Variants in MAP2K4 observed in about 807,000 individuals in gnomAD.
The protein encoded by MAP2K4 is dual specificity mitogen-activated protein kinase kinase 4.
In MAP2K4, 4 loss-of-function variants were observed where a neutral mutation model predicts 48.5. That is an observed-to-expected ratio of 0.08 (90% CI 0.04 to 0.19). MAP2K4 has a LOEUF of 0.19. Among genes scored for constraint, MAP2K4 ranks in the 10% least tolerant of loss-of-function variants. The pLI, the probability that MAP2K4 is intolerant of heterozygous loss-of-function variation, is 1.00. For synonymous variants in MAP2K4, 166 were observed against 173.1 expected (o/e 0.96, Z 0.32); for missense variants, 258 against 493.3 (o/e 0.52, Z 4.52).
chr17:12,070,627 T>A (rs1286860354), intron 2 of MAP2K4, among the ~76,000 whole-genome samples: 1 of 152,236 alleles, frequency 6.6e-6, no homozygotes, highest in Non-Finnish European at 1.5e-5. Context: ...TTTAGGTTGC[T>A]AGATACCATT....
intron 2 of MAP2K4, among the ~76,000 whole-genome samples, chr17:12,077,449 G>C (rs1311843972): frequency 1.3e-5 from 2 of 152,206 alleles, no homozygotes; most frequent in East Asian, 3.8e-4. Context: ...GCTTAAACCA[G>C]ATAGTTTATT....
chr17:12,115,756 GC>G, intron 7 of MAP2K4: 1 of 762,452 alleles, frequency 1.3e-6, no homozygotes, highest in Non-Finnish European at 2.4e-6. Flanking sequence ...GTGTAATTAT[GC>G]AAAAGAATGG....
At chr17:12,044,149 A>G (rs954609460) in intron 1 of MAP2K4, among the ~76,000 whole-genome samples, 4 of 152,160 alleles carry the variant, frequency 2.6e-5, no homozygotes, top group Non-Finnish European at 5.9e-5. Context: ...CAAAGGCAAA[A>G]TACAGTTATA....
chr17:12,074,328 G>T (rs901307037), intron 2 of MAP2K4, among the ~76,000 whole-genome samples: 1 of 152,002 alleles, frequency 6.6e-6, no homozygotes, highest in African/African-American at 2.4e-5. Flanking sequence ...AGAGATTATT[G>T]TGTGATGGCT....
intron 7 of MAP2K4, chr17:12,115,690 A>C: frequency 1.3e-6 from 1 of 758,996 alleles, no homozygotes; most frequent in Non-Finnish European, 2.5e-6. Context: ...ATGTAGTAGA[A>C]CAAACTTCAA....
At chr17:12,052,221 G>A (rs1165485408) in intron 1 of MAP2K4, among the ~76,000 whole-genome samples, 1 of 152,144 alleles carries the variant, frequency 6.6e-6, no homozygotes, top group Non-Finnish European at 1.5e-5. Context: ...ATTACTTAGT[G>A]TGTTTTGTTA....
At chr17:12,107,759 A>G in intron 4 of MAP2K4, 31 bp from the exon 5 acceptor site, 1 of 1,545,030 alleles carries the variant, frequency 6.5e-7, no homozygotes. Flanking sequence ...TTTAAGATGT[A>G]TAAGAATAAC....
At position 12,143,761 on chromosome 17, in the gene MAP2K4, G is replaced by T. The variant is rs1342063571; in HGVS notation, c.*2501G>T. 2.2e-5 allele frequency: 5 copies of T among 229,968 alleles called. No individual in the cohort carries two copies. The highest frequency in any genetic ancestry group is 3.4e-5 in the Non-Finnish European group (4 of 116,100). The allele number at this position is 229,968 out of a possible 1,614,324, so 14.2% of individuals were successfully genotyped here. A position where few individuals can be genotyped will look rare whatever the true frequency, so the allele number is the denominator to read the frequency against. Reference sequence around the variant, plus strand: ...TTTGTAATTTGATTTTCTGAAATCAGACCCTGAGAGGGGAAAATCTTAAAG... The same window carrying T: ...TTTGTAATTTGATTTTCTGAAATCATACCCTGAGAGGGGAAAATCTTAAAG... On this transcript the variant is annotated 3_prime_UTR_variant, in exon 11 of 11. Transcript: ENST00000353533.
intron 2 of MAP2K4, among the ~76,000 whole-genome samples, chr17:12,078,402 G>T (rs1597444402): frequency 6.6e-6 from 1 of 152,118 alleles, no homozygotes; most frequent in African/African-American, 2.4e-5. Context: ...GGGGTACATG[G>T]TGTATATATT....
intron 6 of MAP2K4, 87 bp downstream of exon 6, chr17:12,110,513 GTA>G: frequency 1.1e-6 from 1 of 908,522 alleles, no homozygotes; most frequent in Non-Finnish European, 1.7e-6. Context: ...CAGTGTCACT[GTA>G]TAAACTTTCC....
chr17:12,093,262 T>C (rs1473699216), intron 3 of MAP2K4, among the ~76,000 whole-genome samples: 1 of 152,184 alleles, frequency 6.6e-6, no homozygotes, highest in African/African-American at 2.4e-5. Flanking sequence ...TAGGTTTTCC[T>C]GCCAGTGCTG....
At chr17:12,065,330 G>A (rs1460588144) in intron 2 of MAP2K4, among the ~76,000 whole-genome samples, 1 of 131,664 alleles carries the variant, frequency 7.6e-6, no homozygotes, top group Admixed American at 8.2e-5. Flanking sequence ...ACAGAGTCTT[G>A]CTCTGTCATC....
intron 1 of MAP2K4, among the ~76,000 whole-genome samples, chr17:12,021,874 G>A (rs1969084314): frequency 6.6e-6 from 1 of 152,214 alleles, no homozygotes; most frequent in African/African-American, 2.4e-5. Context: ...CACTGGGAAT[G>A]CTTATTAGCT....
chr17:12,079,192 G>A (rs996340740), intron 2 of MAP2K4, among the ~76,000 whole-genome samples: 1 of 152,040 alleles, frequency 6.6e-6, no homozygotes, highest in African/African-American at 2.4e-5. Context: ...TCAGTTTTTG[G>A]ATATTAGCCC....
chr17:12,043,274 C>T (rs1169365127), intron 1 of MAP2K4, among the ~76,000 whole-genome samples: 2 of 152,086 alleles, frequency 1.3e-5, no homozygotes, highest in East Asian at 3.8e-4. Context: ...GTTATAAAAA[C>T]CAATTACAAA....
intron 2 of MAP2K4, among the ~76,000 whole-genome samples, chr17:12,063,590 C>T (rs1373140161): frequency 6.6e-6 from 1 of 152,070 alleles, no homozygotes; most frequent in Non-Finnish European, 1.5e-5. Flanking sequence ...GCAGAAATTT[C>T]TTTGATAGGA....
chr17:12,129,713 C>T (rs1972965566), intron 9 of MAP2K4, among the ~76,000 whole-genome samples: 12 of 152,194 alleles, frequency 7.9e-5, no homozygotes, highest in Admixed American at 7.9e-4. Flanking sequence ...TCTGACATAA[C>T]ATAGAAAACA....
chr17:12,141,781 C>T lies in MAP2K4; in HGVS notation c.*521C>T, dbSNP rs748422493. ...TTTCTTCACCAAGTGCAATAGATTA[C>T]TGATGTGATATTCTGTTGCTTTACA... On this transcript the variant is annotated 3_prime_UTR_variant, in exon 11 of 11. Coordinates refer to ENST00000353533, the MANE Select transcript of MAP2K4 (RefSeq NM_003010.4). 4 of 234,632 alleles carry T rather than the reference C, an allele frequency of 1.7e-5. No homozygotes were observed. Among genetic ancestry groups the T allele is most frequent in the Non-Finnish European group, 2.5e-5 (3 of 118,850 alleles). The allele number at this position is 234,632 out of a possible 1,614,324, so 14.5% of individuals were successfully genotyped here.
At chr17:12,066,679 C>T (rs990705488) in intron 2 of MAP2K4, among the ~76,000 whole-genome samples, 1 of 152,124 alleles carries the variant, frequency 6.6e-6, no homozygotes, top group Non-Finnish European at 1.5e-5. Flanking sequence ...TAGGCATGCA[C>T]TACCACACAT....
Sources: allele counts gnomAD v4.1 joint callset (sites outside exome capture counted in the v4.1 genomes callset), GRCh38; gene constraint gnomAD v4.1.1; transcripts MANE v1.5; gene names NCBI Gene and HGNC (gene_info 2026-07-23, HGNC 2026-07-21).